Variants in DCDC2 observed in about 807,000 individuals in gnomAD.
DCDC2 encodes the protein doublecortin domain containing 2.
DCDC2 carries 40 observed loss-of-function variants against 50.2 expected under a neutral mutation model. The observed-to-expected ratio is 0.80, with a 90% CI of 0.62 to 1.04. DCDC2 has a LOEUF of 1.04. DCDC2 is among the 50% of genes least tolerant of loss of function. The probability of loss-of-function intolerance (pLI) is 0.00; values close to 1 mark genes in which losing one functional copy is unlikely to be tolerated. For synonymous variants in DCDC2, 234 were observed against 210.6 expected, an observed-to-expected ratio of 1.11 and a Z score of -0.96; for missense variants, 570 against 581.9, an observed-to-expected ratio of 0.98 and a Z score of 0.21.
At chr6:24,225,309 C>T (rs978725696) in intron 7 of DCDC2, among the ~76,000 whole-genome samples, 4 of 152,154 alleles carry the variant, frequency 2.6e-5, no homozygotes, top group African/African-American at 7.2e-5. Flanking sequence ...GCACCTGCAA[C>T]ATGTTCAACA....
Position 24,357,692 on chromosome 6 carries a change from A to G in DCDC2, c.59T>C (p.Leu20Pro), listed in dbSNP as rs1178482603. Residue 20 changes from leucine to proline, a missense_variant, in exon 1 of 10, where the codon CTT becomes CCT. By Grantham distance (98) the Leu-to-Pro change is moderately conservative (BLOSUM62 -3). Transcript: ENST00000378454. ...GAAGGGGTCCCCGTTGCGGTACACA[A>G]GCACGCTCTTCACGACGGGCTGAGA... The part of the protein sequence containing the change: ...HLSQPVVKSV[L>P]VYRNGDPFYA... 3 of 1,613,430 alleles carry G rather than the reference A, an allele frequency of 1.9e-6. No individual in the cohort carries two copies. In the South Asian group the frequency reaches 3.3e-5, roughly 18 times the overall value.
At chr6:24,275,914 G>T (rs1395079494) in intron 7 of DCDC2, among the ~76,000 whole-genome samples, 1 of 122,816 alleles carries the variant, frequency 8.1e-6, no homozygotes, top group Admixed American at 1.1e-4. Flanking sequence ...CTGTCACCCA[G>T]GCTGGAGTGC....
intron 7 of DCDC2, among the ~76,000 whole-genome samples, chr6:24,211,392 TG>T (rs1297524905): frequency 6.6e-6 from 1 of 151,954 alleles, no homozygotes; most frequent in Non-Finnish European, 1.5e-5. Context: ...ACGTTATTGG[TG>T]GTAGGTAGAA....
chr6:24,336,981 G>C (rs1426383187), intron 2 of DCDC2, among the ~76,000 whole-genome samples: 1 of 152,138 alleles, frequency 6.6e-6, no homozygotes, highest in Non-Finnish European at 1.5e-5. Context: ...GGCTCATAAA[G>C]ATCAAAGAAC....
intron 9 of DCDC2, among the ~76,000 whole-genome samples, chr6:24,175,377 T>A (rs548204486): frequency 1.3e-5 from 2 of 152,250 alleles, no homozygotes; most frequent in African/African-American, 4.8e-5. Flanking sequence ...ATAATGACAT[T>A]GTCTCATGTA....
chr6:24,322,459 T>C (rs1759789297), intron 2 of DCDC2, among the ~76,000 whole-genome samples: 1 of 151,490 alleles, frequency 6.6e-6, no homozygotes, highest in African/African-American at 2.4e-5. Context: ...ATCCACATTC[T>C]ATACGAATCT....
chr6:24,336,170 C>T (rs941906630), intron 2 of DCDC2, among the ~76,000 whole-genome samples: 23 of 152,292 alleles, frequency 1.5e-4, no homozygotes, highest in Admixed American at 5.9e-4. Context: ...ATGGCTTGGT[C>T]CTGGTGACAT....
At chr6:24,289,597 C>T (rs893351162) in intron 5 of DCDC2, among the ~76,000 whole-genome samples, 9 of 152,176 alleles carry the variant, frequency 5.9e-5, no homozygotes, top group Non-Finnish European at 1.0e-4. Flanking sequence ...TAACCTAGGG[C>T]TGCTTAGCAA....
intron 7 of DCDC2, among the ~76,000 whole-genome samples, chr6:24,248,720 G>C (rs1053168647): frequency 1.3e-5 from 2 of 152,024 alleles, no homozygotes; most frequent in Admixed American, 6.6e-5. Flanking sequence ...GACTTACCCA[G>C]ATGAAAAAAT....
intron 7 of DCDC2, among the ~76,000 whole-genome samples, chr6:24,251,439 C>A (rs1212123682): frequency 6.6e-6 from 1 of 152,188 alleles, no homozygotes; most frequent in Non-Finnish European, 1.5e-5. Context: ...TTGGCTTCCA[C>A]AGCTGGTATG....
chr6:24,196,300 T>C lies in DCDC2; in HGVS notation c.1023+8702A>G, dbSNP rs375248855. On this transcript the variant is annotated intron_variant, in intron 8 of 9. Transcript: ENST00000378454. ...TTGGATAGACAGCATTTAAGTCCCA[T>C]TTCCTCTAATTAACATGGTACAGCC... is the stretch of plus-strand genomic sequence containing the variant. Among the ~76,000 whole-genome samples, 15 of 152,284 alleles carry C rather than the reference T, an allele frequency of 9.9e-5. No homozygotes were observed. In the South Asian group the frequency reaches 3.1e-3, roughly 32 times the overall value.
intron 5 of DCDC2, 132 bp from the exon 6 acceptor site, chr6:24,289,038 T>A: frequency 1.7e-6 from 1 of 590,002 alleles, no homozygotes; most frequent in Non-Finnish European, 2.9e-6. Flanking sequence ...TAACATACAC[T>A]TTAACACATA....
the DCDC2 span, among the ~76,000 whole-genome samples, chr6:24,374,577 C>CAAA: frequency 0.17 from 9,821 of 57,424 alleles, 1,724 homozygotes; most frequent in East Asian, 0.4. Flanking sequence ...AGACTCCATC[C>CAAA]AAAAAAAAAA....
intron 2 of DCDC2, among the ~76,000 whole-genome samples, chr6:24,326,858 CAA>C (rs550208684): frequency 3.3e-4 from 31 of 94,628 alleles, no homozygotes; most frequent in Non-Finnish European, 3.3e-4. Flanking sequence ...GACCCTGTCT[CAA>C]AAAAAAAAAA....
At chr6:24,320,344 T>A (rs7740390) in intron 2 of DCDC2, among the ~76,000 whole-genome samples, 28,811 of 152,062 alleles carry the variant, frequency 0.19, 3,082 homozygotes, top group African/African-American at 0.3. Context: ...TTGTGGGGGG[T>A]GGGGTTTGAG....
intron 7 of DCDC2, among the ~76,000 whole-genome samples, chr6:24,276,344 T>C (rs1339029241): frequency 6.6e-6 from 1 of 151,706 alleles, no homozygotes; most frequent in African/African-American, 2.4e-5. Flanking sequence ...GAAGTAAGGA[T>C]TGGGATTTTC....
intron 6 of DCDC2, among the ~76,000 whole-genome samples, chr6:24,287,382 G>T (rs1763637244): frequency 6.6e-6 from 1 of 152,108 alleles, no homozygotes; most frequent in African/African-American, 2.4e-5. Context: ...TTGAGACAGG[G>T]TCTCACTCTG....
At chr6:24,210,038 GTGTGTGTGTGTGTGTGTC>G (rs1197579364) in intron 7 of DCDC2, among the ~76,000 whole-genome samples, 3 of 145,208 alleles carry the variant, frequency 2.1e-5, no homozygotes, top group African/African-American at 8.4e-5. Context: ...GTGTGTGTGT[GTGTGTGTGTGTGTGTGTC>G]TGTCTGTCTG....
At chr6:24,250,812 T>C (rs1762780207) in intron 7 of DCDC2, among the ~76,000 whole-genome samples, 1 of 152,084 alleles carries the variant, frequency 6.6e-6, no homozygotes, top group South Asian at 2.1e-4. Context: ...CAAAATTACA[T>C]AGCATGATGA....
Sources: gnomAD v4.1 joint callset for allele counts (sites outside exome capture counted in the v4.1 genomes callset) on GRCh38, gnomAD v4.1.1 for gene constraint, MANE v1.5 for transcripts, NCBI Gene and HGNC (gene_info 2026-07-23, HGNC 2026-07-21) for gene names.